KIRREL3: variants seen among roughly 807,000 people sequenced by gnomAD.
KIRREL3 encodes kin of IRRE-like protein 3.
Under a neutral mutation model 89.7 loss-of-function variants are expected in KIRREL3, and 36 were observed. The observed-to-expected ratio is 0.40, with a 90% confidence interval of 0.31 to 0.53. The LOEUF (loss-of-function observed/expected upper bound fraction) is 0.53. Among genes scored for constraint, KIRREL3 ranks in the 20% least tolerant of loss-of-function variants. The pLI is 0.49. For synonymous variants in KIRREL3, 445 were observed against 441.4 expected, an observed-to-expected ratio of 1.01 and a Z score of -0.10; for missense variants, 864 against 1,056.6, an observed-to-expected ratio of 0.82 and a Z score of 2.53.
At position 126,906,734 on chromosome 11, in the gene KIRREL3, C is replaced by T. The variant is rs1946600313; in HGVS notation, c.55+93721G>A. ...GCAAATTAGATCCTGAAAGTCTGCA[C>T]TGCACTCGGATCCCCAGCACCTCCT... On this transcript the variant is annotated intron_variant, in intron 1 of 16. Transcript: ENST00000525144. The surrounding 1 kb of genome is among the most constrained non-coding windows in gnomAD (Gnocchi z 4.1). Among the ~76,000 whole-genome samples, 2 of 152,212 alleles carry T rather than the reference C, an allele frequency of 1.3e-5. No individual in the cohort carries two copies. Among genetic ancestry groups the T allele is most frequent in the South Asian group, 2.1e-4 (1 of 4,828 alleles).
At chr11:126,889,028 C>T (rs372158311) in intron 1 of KIRREL3, among the ~76,000 whole-genome samples, 28 of 152,294 alleles carry the variant, frequency 1.8e-4, no homozygotes, top group Middle Eastern at 3.4e-3. Flanking sequence ...AAGGGGTGTG[C>T]CTGTGTTGTA....
In KIRREL3 at chr11:126,999,142, A is replaced by G. The variant is rs1168869837; in HGVS notation, c.55+1313T>C. Among the ~76,000 whole-genome samples the G allele has an allele frequency of 1.6e-5, 2 of 124,060 alleles. No individual in the cohort carries two copies. The highest frequency in any genetic ancestry group is 3.2e-5 in the Non-Finnish European group (2 of 61,808). The allele number at this position is 124,060 out of a possible 152,430, so 81.4% of individuals were successfully genotyped here. On this transcript the variant is annotated intron_variant, in intron 1 of 16. Coordinates refer to ENST00000525144, the MANE Select transcript of KIRREL3 (RefSeq NM_032531.4). This position sits in a 1 kb window ranked among gnomAD's most constrained non-coding sequence, Gnocchi z 5.7. ...TGGTGAGAAGCACACAACCATATGA[A>G]TACATGAGTGTGTGTGTGTGTGTGT...
intron 2 of KIRREL3, among the ~76,000 whole-genome samples, chr11:126,554,443 G>A (rs751934942): frequency 2.0e-5 from 3 of 152,170 alleles, no homozygotes; most frequent in East Asian, 1.9e-4. Context: ...ACAAGTGCCC[G>A]CTGCCTGTGT....
chr11:126,637,701 C>T (rs12576013), intron 1 of KIRREL3, among the ~76,000 whole-genome samples: 23 of 152,234 alleles, frequency 1.5e-4, no homozygotes, highest in East Asian at 1.4e-3. Flanking sequence ...GATATCTCTG[C>T]GGATGGTCAC....
chr11:126,884,384 G>A (rs908317672), intron 1 of KIRREL3, among the ~76,000 whole-genome samples: 2 of 152,210 alleles, frequency 1.3e-5, no homozygotes, highest in Non-Finnish European at 2.9e-5. Flanking sequence ...TTGACATAAA[G>A]TCAGCCCAAC....
intron 1 of KIRREL3, among the ~76,000 whole-genome samples, chr11:126,588,549 CA>C (rs2134696285): frequency 6.6e-6 from 1 of 152,272 alleles, no homozygotes; most frequent in Admixed American, 6.5e-5. Context: ...GAGTCCTTGC[CA>C]AAATTTCCCT....
chr11:126,738,581 G>A (rs1181247929), intron 1 of KIRREL3, among the ~76,000 whole-genome samples: 2 of 152,144 alleles, frequency 1.3e-5, no homozygotes, highest in African/African-American at 4.8e-5. Flanking sequence ...AATATTTGCT[G>A]GGTGGTAATT....
rs561868906 is a variant in KIRREL3 at position 126,664,328 on chromosome 11, C to T, written c.56-101416G>A. On this transcript the variant is annotated intron_variant, in intron 1 of 16. Transcript: ENST00000525144. This position sits in a 1 kb window ranked among gnomAD's most constrained non-coding sequence, Gnocchi z 5.4. ...CAAAGAGGCTCACACAGAACCTATC[C>T]TTGTCCTATGTGACAGGCAGGGCAA... 6.6e-6 allele frequency among the ~76,000 whole-genome samples: 1 copy of T among 152,080 alleles called. No homozygotes were observed. Among genetic ancestry groups the T allele is most frequent in the Admixed American group, 6.6e-5 (1 of 15,266 alleles).
rs1946711356 is a variant in KIRREL3 at position 126,909,241 on chromosome 11, A to T, written c.55+91214T>A. Among the ~76,000 whole-genome samples the T allele has an allele frequency of 6.6e-6, 1 of 152,088 alleles. No homozygotes were observed. Among genetic ancestry groups the T allele is most frequent in the Non-Finnish European group, 1.5e-5 (1 of 68,010 alleles). ...AATGGGGTCGGAGAGGGAGGAGTTC[A>T]TGGGAGGTGTGGCACTAAAACCCAG... On this transcript the variant is annotated intron_variant, in intron 1 of 16. Transcript: ENST00000525144. The surrounding 1 kb of genome is among the most constrained non-coding windows in gnomAD (Gnocchi z 4.5).
At position 126,558,266 on chromosome 11, in the gene KIRREL3, G is replaced by T. The variant is rs1379840950; in HGVS notation, c.133+4569C>A. Among the ~76,000 whole-genome samples the T allele has an allele frequency of 6.6e-6, 1 of 152,218 alleles. No individual in the cohort carries two copies. Among genetic ancestry groups the T allele is most frequent in the South Asian group, 2.1e-4 (1 of 4,824 alleles). On this transcript the variant is annotated intron_variant, in intron 2 of 16. Transcript: ENST00000525144. This position sits in a 1 kb window ranked among gnomAD's most constrained non-coding sequence, Gnocchi z 4.0. Reference sequence around the variant, plus strand: ...AGTCCTGTGGCCTGCCAGCTTTTCTGGTCCCCCAGGAATGGTCTTCTCTGG... The same window carrying T: ...AGTCCTGTGGCCTGCCAGCTTTTCTTGTCCCCCAGGAATGGTCTTCTCTGG...
intron 4 of KIRREL3, among the ~76,000 whole-genome samples, chr11:126,497,145 CGA>C (rs925244315): frequency 6.0e-5 from 9 of 150,568 alleles, no homozygotes; most frequent in African/African-American, 2.0e-4. Flanking sequence ...AGAGAGAGAG[CGA>C]GAGAGTGTGA....
At chr11:126,932,275 T>C (rs562408284) in intron 1 of KIRREL3, among the ~76,000 whole-genome samples, 29 of 152,330 alleles carry the variant, frequency 1.9e-4, no homozygotes, top group Admixed American at 9.8e-4. Flanking sequence ...TCAAGGCTGA[T>C]TTCAAATAGT....
In KIRREL3 at chr11:126,768,161, C is replaced by CA. The variant is rs1359819044; in HGVS notation, c.56-205250dup. Among the ~76,000 whole-genome samples, 26 of 131,288 alleles carry CA rather than the reference C, an allele frequency of 2.0e-4. No individual in the cohort carries two copies. The highest frequency in any genetic ancestry group is 7.6e-4 in the African/African-American group (24 of 31,774). 86.1% of individuals were successfully genotyped at this position (131,288 alleles called of 152,430 possible). On this transcript the variant is annotated intron_variant, in intron 1 of 16. Coordinates refer to ENST00000525144, the MANE Select transcript of KIRREL3 (RefSeq NM_032531.4). This position sits in a 1 kb window ranked among gnomAD's most constrained non-coding sequence, Gnocchi z 4.5. The stretch of plus-strand genomic sequence containing the variant: ...CCATCCATCCATCCATCCATCCATC[C>CA]ATCCATCCAATCCATCCATCCATCC...
In KIRREL3 at chr11:126,606,006, A is replaced by G. The variant is rs529791547; in HGVS notation, c.56-43094T>C. Among the ~76,000 whole-genome samples the G allele has an allele frequency of 1.3e-5, 2 of 152,344 alleles. No homozygotes were observed. Among genetic ancestry groups the G allele is most frequent in the South Asian group, 4.1e-4 (2 of 4,826 alleles). On this transcript the variant is annotated intron_variant, in intron 1 of 16. Coordinates refer to ENST00000525144, the MANE Select transcript of KIRREL3 (RefSeq NM_032531.4). The surrounding 1 kb of genome is among the most constrained non-coding windows in gnomAD (Gnocchi z 4.6). ...AGTGTGGTCCAGAGGGACGCAGGCC[A>G]TCTTGGGAAGGAATCCCAGTTGACC...
At chr11:126,775,325 T>C (rs1330118660) in intron 1 of KIRREL3, among the ~76,000 whole-genome samples, 2 of 152,320 alleles carry the variant, frequency 1.3e-5, no homozygotes, top group East Asian at 3.9e-4. Flanking sequence ...CCAGTCCCAC[T>C]GAGTTAAACA....
rs1468762743 is a variant in KIRREL3, at chr11:126,531,640, G to A, written c.134-4953C>T. Reference sequence around the variant, plus strand: ...CCAGTTCTCTCCCCAGGCAGCTCCTGTGACCCAGATGGAATCTTCTTTTTT... The same window carrying A: ...CCAGTTCTCTCCCCAGGCAGCTCCTATGACCCAGATGGAATCTTCTTTTTT... On this transcript the variant is annotated intron_variant, in intron 2 of 16. Coordinates refer to ENST00000525144, the MANE Select transcript of KIRREL3 (RefSeq NM_032531.4). The surrounding 1 kb of genome is among the most constrained non-coding windows in gnomAD (Gnocchi z 4.7). Among the ~76,000 whole-genome samples the A allele has an allele frequency of 7.0e-6, 1 of 142,834 alleles. No individual in the cohort carries two copies. The highest frequency in any genetic ancestry group is 1.5e-5 in the Non-Finnish European group (1 of 67,162). 93.7% of individuals were successfully genotyped at this position (142,834 alleles called of 152,430 possible).
In KIRREL3 at chr11:126,994,373, G is replaced by T. The variant is rs987059744; in HGVS notation, c.55+6082C>A. 2.0e-5 allele frequency among the ~76,000 whole-genome samples: 3 copies of T among 152,168 alleles called. No homozygotes were observed. The highest frequency in any genetic ancestry group is 7.2e-5 in the African/African-American group (3 of 41,436). ...TCTTTCCACCCTTCATGCCCCAACAGAACAGCTCCACACAGAGCAGATTCA... is the reference window on the plus strand; with the variant it reads ...TCTTTCCACCCTTCATGCCCCAACATAACAGCTCCACACAGAGCAGATTCA... On this transcript the variant is annotated intron_variant, in intron 1 of 16. Transcript: ENST00000525144. This position sits in a 1 kb window ranked among gnomAD's most constrained non-coding sequence, Gnocchi z 5.2.
At chr11:126,510,551 C>T (rs1035607759) in intron 4 of KIRREL3, among the ~76,000 whole-genome samples, 3 of 151,532 alleles carry the variant, frequency 2.0e-5, no homozygotes, top group Non-Finnish European at 4.4e-5. Flanking sequence ...CCTGCCTCAG[C>T]CTCTCAAAGT....
In KIRREL3 at chr11:126,564,890, G is replaced by A. The variant is rs1388638063; in HGVS notation, c.56-1978C>T. Among the ~76,000 whole-genome samples, 3 of 152,228 alleles carry A rather than the reference G, an allele frequency of 2.0e-5. No homozygotes were observed. Among genetic ancestry groups the A allele is most frequent in the African/African-American group, 7.2e-5 (3 of 41,468 alleles). On this transcript the variant is annotated intron_variant, in intron 1 of 16. Transcript: ENST00000525144. This position sits in a 1 kb window ranked among gnomAD's most constrained non-coding sequence, Gnocchi z 7.4. ...CCTCAACACGCTGACGACAGGCAGA[G>A]TTAACCAGCCCATTGTAATTGCACA...
Sources: gnomAD v4.1 joint callset for allele counts (sites outside exome capture counted in the v4.1 genomes callset) on GRCh38, gnomAD v4.1.1 for gene constraint, Gnocchi (gnomAD v3.1) non-coding constraint, MANE v1.5 for transcripts, NCBI Gene and HGNC (gene_info 2026-07-23, HGNC 2026-07-21) for gene names.